Variants in MX1 observed in about 807,000 individuals in gnomAD.
The protein encoded by MX1 is interferon-induced GTP-binding protein Mx1.
Under a neutral mutation model 66.4 loss-of-function variants are expected in MX1, and 66 were observed. That is an observed-to-expected ratio of 0.99 (90% CI 0.82 to 1.22). MX1 has a LOEUF of 1.22. Ranked by LOEUF, MX1 falls within the 50% of genes most tolerant of loss-of-function variation. The pLI is 0.00. For missense variants in MX1, 787 were observed against 834.3 expected (o/e 0.94, Z 0.70); for synonymous variants, 311 against 318.1 (o/e 0.98, Z 0.24).
chr21:41,450,993 C>A (rs2090807353), intron 14 of MX1, 174 bp from the exon 15 acceptor site: 1 of 439,192 alleles, frequency 2.3e-6, no homozygotes, highest in Middle Eastern at 5.8e-4. Context: ...TAAGATTCTT[C>A]CAGCAAATTA....
intron 4 of MX1, among the ~76,000 whole-genome samples, chr21:41,431,274 T>C (rs1258008803): frequency 2.6e-5 from 4 of 152,166 alleles, no homozygotes; most frequent in Admixed American, 1.3e-4. Context: ...CCACTCACCT[T>C]GGTCTCCCAA....
rs548636828 is a variant in MX1 at position 41,455,640 on chromosome 21, G to A, written c.1758+2771G>A. Among the ~76,000 whole-genome samples the A allele has an allele frequency of 2.0e-4, 30 of 152,362 alleles. No individual in the cohort carries two copies. In the South Asian group the frequency reaches 4.6e-3, roughly 23 times the overall value. ...AATGGTTTTTACACAAAGGTTAGCA[G>A]AGGAGTGGACGTGCTGCTCTGTACC... On this transcript the variant is annotated intron_variant, in intron 16 of 16. Transcript: ENST00000398598.
intron 13 of MX1, among the ~76,000 whole-genome samples, chr21:41,447,691 G>A (rs1308220241): frequency 2.0e-5 from 3 of 152,056 alleles, no homozygotes; most frequent in African/African-American, 7.2e-5. Context: ...GGGGATGGTC[G>A]CACAACTTTG....
rs910151163 is a variant in MX1, at chr21:41,447,804, C to T, written c.1274-1333C>T. ...AGGCTGGGGTGCAGTGGCTCAGTCT[C>T]GGCTCACTGCACCCTCTGCCTCCCA... On this transcript the variant is annotated intron_variant, in intron 13 of 16. Transcript: ENST00000398598. Among the ~76,000 whole-genome samples, 11 of 152,180 alleles carry T rather than the reference C, an allele frequency of 7.2e-5. No individual in the cohort carries two copies. In the East Asian group the frequency reaches 7.7e-4, roughly 11 times the overall value.
intron 5 of MX1, among the ~76,000 whole-genome samples, chr21:41,432,776 A>G (rs963769330): frequency 6.6e-6 from 1 of 152,196 alleles, no homozygotes; most frequent in African/African-American, 2.4e-5. Flanking sequence ...GGGAGTGTCC[A>G]GGTACTCAGA....
At chr21:41,433,307 G>A (rs2090273224) in intron 5 of MX1, among the ~76,000 whole-genome samples, 1 of 152,244 alleles carries the variant, frequency 6.6e-6, no homozygotes, top group South Asian at 2.1e-4. Context: ...ATTCTGCTGT[G>A]TGCTGGAGTT....
chr21:41,452,884 G>A lies in MX1; in HGVS notation c.1758+15G>A. On this transcript the variant is annotated intron_variant, in intron 16 of 16. Coordinates refer to ENST00000398598, the MANE Select transcript of MX1 (RefSeq NM_002462.5). Reference sequence around the variant, plus strand: ...CCTATCACCAGGTACGTCTTCGCGTGGTTCAGGATGCCAGCTTCCATTCTT... The same window carrying A: ...CCTATCACCAGGTACGTCTTCGCGTAGTTCAGGATGCCAGCTTCCATTCTT... 1 of 1,610,584 alleles carries A rather than the reference G, an allele frequency of 6.2e-7. No homozygotes were observed. Among genetic ancestry groups the A allele is most frequent in the Non-Finnish European group, 8.5e-7 (1 of 1,178,174 alleles).
chr21:41,434,137 C>T (rs548138981), intron 5 of MX1, among the ~76,000 whole-genome samples: 2 of 152,266 alleles, frequency 1.3e-5, no homozygotes, highest in East Asian at 3.9e-4. Context: ...CTAGTAAAAA[C>T]GTCTGTCTAT....
intron 15 of MX1, among the ~76,000 whole-genome samples, chr21:41,451,571 A>G (rs2090827635): frequency 6.6e-6 from 1 of 152,158 alleles, no homozygotes; most frequent in South Asian, 2.1e-4. Flanking sequence ...GGGCATGATG[A>G]GCCTGTAATC....
intron 5 of MX1, 137 bp from the exon 6 acceptor site, chr21:41,435,700 A>T (rs1474176685): frequency 1.0e-6 from 1 of 962,186 alleles, no homozygotes; most frequent in Non-Finnish European, 1.6e-6. Context: ...AATTACCTCC[A>T]CCTGGTCTCT....
intron 11 of MX1, among the ~76,000 whole-genome samples, chr21:41,444,328 T>C (rs2090603335): frequency 1.6e-5 from 2 of 125,752 alleles, no homozygotes; most frequent in South Asian, 5.7e-4. Flanking sequence ...CTTTTTTTTT[T>C]TTTTTTTTTT....
intron 11 of MX1, among the ~76,000 whole-genome samples, 196 bp from the exon 12 acceptor site, chr21:41,445,252 G>T (rs1307260011): frequency 2.6e-5 from 4 of 152,142 alleles, no homozygotes; most frequent in Non-Finnish European, 5.9e-5. Context: ...GGGGAAGGGG[G>T]AAGACCTGGG....
At chr21:41,445,769 G>A in intron 12 of MX1, 199 bp downstream of exon 12, 1 of 830,740 alleles carries the variant, frequency 1.2e-6, no homozygotes, top group Non-Finnish European at 1.8e-6. Flanking sequence ...AGCGAGGGAT[G>A]CTCAGGCTGC....
intron 15 of MX1, 78 bp downstream of exon 15, chr21:41,451,321 T>C (rs2090819089): frequency 2.1e-6 from 2 of 940,850 alleles, no homozygotes; most frequent in Non-Finnish European, 3.4e-6. Flanking sequence ...ATTTCTTGGA[T>C]GAGGATTATT....
chr21:41,457,335 A>G (rs2090983574), intron 16 of MX1, among the ~76,000 whole-genome samples: 2 of 152,204 alleles, frequency 1.3e-5, no homozygotes, highest in Non-Finnish European at 2.9e-5. Context: ...GCAGAAACTC[A>G]AGTTGGATTT....
At chr21:41,429,566 C>T (rs1327198114) in intron 3 of MX1, 1 of 152,102 alleles carries the variant, frequency 6.6e-6, no homozygotes. Context: ...TGAGGTATTT[C>T]CAAAGGCATG....
chr21:41,456,284 C>A (rs1164483332), intron 16 of MX1, among the ~76,000 whole-genome samples: 1 of 152,110 alleles, frequency 6.6e-6, no homozygotes, highest in African/African-American at 2.4e-5. Context: ...AAACAAAAAA[C>A]AGAAGGAAAG....
intron 4 of MX1, among the ~76,000 whole-genome samples, chr21:41,431,343 T>A (rs925820731): frequency 1.3e-5 from 2 of 152,226 alleles, no homozygotes; most frequent in African/African-American, 4.8e-5. Context: ...GTAAACTTTT[T>A]AATTGTATTA....
Position 41,441,112 on chromosome 21 carries a change from G to T in MX1, c.730+87G>T. The T allele has an allele frequency of 4.3e-6, 5 of 1,173,102 alleles. No homozygotes were observed. Among genetic ancestry groups the T allele is most frequent in the African/African-American group, 1.5e-5 (1 of 64,950 alleles). The allele number at this position is 1,173,102 out of a possible 1,614,324, so 72.7% of individuals were successfully genotyped here. On this transcript the variant is annotated intron_variant, in intron 9 of 16. Transcript: ENST00000398598. This position sits in a 1 kb window ranked among gnomAD's most constrained non-coding sequence, Gnocchi z 4.0. Reference sequence around the variant, plus strand: ...AGAATGGGGGAGCCCACCTGTGCTCGGTGAGAATGGGGGAGCCCGCCTGTG... The same window carrying T: ...AGAATGGGGGAGCCCACCTGTGCTCTGTGAGAATGGGGGAGCCCGCCTGTG...
Sources: allele counts gnomAD v4.1 joint callset (sites outside exome capture counted in the v4.1 genomes callset), GRCh38; gene constraint gnomAD v4.1.1; non-coding constraint Gnocchi (gnomAD v3.1); transcripts MANE v1.5; gene names NCBI Gene and HGNC (gene_info 2026-07-23, HGNC 2026-07-21).